The following C12orf42 variants were observed in gnomAD, a reference collection of about 807,000 sequenced individuals.
C12orf42 encodes the protein uncharacterized protein C12orf42.
A neutral mutation model predicts 21.6 loss-of-function variants in C12orf42; 25 were observed. That is an observed-to-expected ratio of 1.16 (90% CI 0.84 to 1.62). The LOEUF is 1.62. Among genes scored for constraint, C12orf42 ranks in the 40% most tolerant of loss-of-function variants. C12orf42 has a pLI of 0.00. For missense variants in C12orf42, 483 were observed against 459.3 expected, an observed-to-expected ratio of 1.05 and a Z score of -0.47; for synonymous variants, 174 against 175.0, an observed-to-expected ratio of 0.99 and a Z score of 0.05.
In C12orf42 at chr12:103,302,410, T is replaced by C. The variant is rs905631820; in HGVS notation, c.781A>G (p.Ile261Val). The change falls in exon 6 of 6, where the codon ATC becomes GTC. Residue 261 changes from isoleucine (I) to valine (V), a missense_variant. Coordinates refer to ENST00000548883, the MANE Select transcript of C12orf42 (RefSeq NM_198521.5). ...PAGAQAHPDD[I>V]QSRLLGASGN... is the part of the protein sequence containing the mutation. ...GACGCGCCCAGGAGTCTGCTTTGGATGTCGTCGGGGTGTGCCTGAGCGCCT... is the reference window on the plus strand; with the variant it reads ...GACGCGCCCAGGAGTCTGCTTTGGACGTCGTCGGGGTGTGCCTGAGCGCCT... The C allele has an allele frequency of 1.4e-5, 23 of 1,613,756 alleles. No homozygotes were observed. The highest frequency in any genetic ancestry group is 1.9e-5 in the Non-Finnish European group (23 of 1,179,852).
intron 4 of C12orf42, among the ~76,000 whole-genome samples, chr12:103,308,338 T>C (rs928356499): frequency 7.2e-5 from 11 of 152,302 alleles, no homozygotes; most frequent in African/African-American, 2.6e-4. Context: ...AAAATCAAAT[T>C]AACAGTTGTT....
At chr12:103,434,476 T>C (rs1162408198) in intron 2 of C12orf42, among the ~76,000 whole-genome samples, 2 of 152,176 alleles carry the variant, frequency 1.3e-5, no homozygotes, top group Middle Eastern at 3.2e-3. Context: ...TTTCTGCATT[T>C]CCATTTGAGG....
At chr12:103,138,806 T>A in the C12orf42 span, among the ~76,000 whole-genome samples, 1 of 152,122 alleles carries the variant, frequency 6.6e-6, no homozygotes, top group Non-Finnish European at 1.5e-5. Context: ...CCCTCTGGCC[T>A]CTCTCTTGCA....
At chr12:103,299,588 A>G (rs1289035901), downstream of C12orf42, among the ~76,000 whole-genome samples, 1 of 152,238 alleles carries the variant, frequency 6.6e-6, no homozygotes, top group Non-Finnish European at 1.5e-5. Context: ...ATAAAGAAAT[A>G]AAGGAAAACT....
downstream of C12orf42, among the ~76,000 whole-genome samples, chr12:103,263,582 C>A (rs563905189): frequency 6.6e-6 from 1 of 152,064 alleles, no homozygotes; most frequent in African/African-American, 2.4e-5. Flanking sequence ...TGGGATAGAG[C>A]CCTACATGCT....
the C12orf42 span, among the ~76,000 whole-genome samples, chr12:103,149,007 A>G: frequency 6.6e-6 from 1 of 152,128 alleles, no homozygotes; most frequent in South Asian, 2.1e-4. Flanking sequence ...ATAATCCTTT[A>G]TTCTTGTTGA....
the C12orf42 span, among the ~76,000 whole-genome samples, chr12:103,536,517 G>T: frequency 2.0e-5 from 3 of 152,240 alleles, no homozygotes; most frequent in Admixed American, 2.0e-4. Context: ...TGGCACTTTG[G>T]AGAGAAGGCC....
intron 2 of C12orf42, among the ~76,000 whole-genome samples, chr12:103,454,454 A>T (rs1304560303): frequency 2.6e-5 from 4 of 152,118 alleles, no homozygotes; most frequent in Non-Finnish European, 5.9e-5. Context: ...CTTGGAAAGC[A>T]TCCTATTTCT....
At chr12:103,157,608 C>T in the C12orf42 span, among the ~76,000 whole-genome samples, 1 of 152,164 alleles carries the variant, frequency 6.6e-6, no homozygotes, top group Non-Finnish European at 1.5e-5. Flanking sequence ...TTGGGTTTTA[C>T]ATTTAAGTCT....
At chr12:103,527,530 C>T in the C12orf42 span, among the ~76,000 whole-genome samples, 1 of 152,168 alleles carries the variant, frequency 6.6e-6, no homozygotes, top group Non-Finnish European at 1.5e-5. Context: ...TGTTGATGAG[C>T]TAATAAATCC....
chr12:103,336,530 T>A (rs1301636406), intron 4 of C12orf42, among the ~76,000 whole-genome samples: 1 of 152,192 alleles, frequency 6.6e-6, no homozygotes, highest in Non-Finnish European at 1.5e-5. Flanking sequence ...TTTTGTGAGT[T>A]AGAAAGTAAG....
intron 5 of C12orf42, among the ~76,000 whole-genome samples, chr12:103,304,383 G>T (rs868687130): frequency 1.3e-4 from 20 of 152,148 alleles, no homozygotes; most frequent in African/African-American, 4.8e-4. Flanking sequence ...AATTTTAAGT[G>T]CCAGCTGGTA....
chr12:103,472,304 T>C (rs553808839), intron 2 of C12orf42, among the ~76,000 whole-genome samples: 1 of 152,050 alleles, frequency 6.6e-6, no homozygotes, highest in African/African-American at 2.4e-5. Flanking sequence ...TCCGCCCGCC[T>C]CGGCCTCCCA....
the C12orf42 span, among the ~76,000 whole-genome samples, chr12:103,070,735 G>A: frequency 6.6e-6 from 1 of 152,068 alleles, no homozygotes; most frequent in South Asian, 2.1e-4. Context: ...TGATTGAGTG[G>A]TCAAGGAAGG....
rs71097979 is a variant in C12orf42 at position 103,462,096 on chromosome 12, GTTTTTTTTTTT to G, written c.78+16242_78+16252del. On this transcript the variant is annotated intron_variant, in intron 2 of 5. Coordinates refer to ENST00000548883, the MANE Select transcript of C12orf42 (RefSeq NM_198521.5). ...CCATTTTTGTTTTGTTTTTTGCTTG[GTTTTTTTTTTT>G]TTTTTTTTTTTTTTTTTGAGACAGA... Among the ~76,000 whole-genome samples the G allele has an allele frequency of 3.4e-3, 93 of 27,730 alleles. 5 individuals are homozygous for G. Among genetic ancestry groups the G allele is most frequent in the African/African-American group, 0.012 (85 of 7,040 alleles). The allele number at this position is 27,730 out of a possible 152,430, so 18.2% of individuals were successfully genotyped here. A position where few individuals can be genotyped will look rare whatever the true frequency, so the allele number is the denominator to read the frequency against.
chr12:103,237,385 CAGTT>C (rs961307018), downstream of C12orf42, among the ~76,000 whole-genome samples: 66 of 152,260 alleles, frequency 4.3e-4, no homozygotes, highest in African/African-American at 1.5e-3. Flanking sequence ...GGTCTGCAGT[CAGTT>C]AGAATCCCAG....
chr12:103,056,503 T>C, the C12orf42 span, among the ~76,000 whole-genome samples: 2 of 152,158 alleles, frequency 1.3e-5, no homozygotes, highest in Non-Finnish European at 2.9e-5. Flanking sequence ...ATTCTGAAAG[T>C]TCTCAGCCAT....
the C12orf42 span, among the ~76,000 whole-genome samples, chr12:103,223,044 C>G: frequency 6.6e-6 from 1 of 152,050 alleles, no homozygotes; most frequent in African/African-American, 2.4e-5. Flanking sequence ...ACATTAATTG[C>G]ACACCTATTA....
chr12:103,129,267 T>G, the C12orf42 span, among the ~76,000 whole-genome samples: 1 of 152,124 alleles, frequency 6.6e-6, no homozygotes, highest in African/African-American at 2.4e-5. Context: ...GATTATGAAC[T>G]GATATGGGAG....
Sources: allele counts gnomAD v4.1 joint callset (sites outside exome capture counted in the v4.1 genomes callset), GRCh38; gene constraint gnomAD v4.1.1; transcripts MANE v1.5; gene names NCBI Gene and HGNC (gene_info 2026-07-23, HGNC 2026-07-21).